Variants in PHKG2 observed in about 807,000 individuals in gnomAD.
PHKG2 encodes phosphorylase b kinase gamma catalytic chain, liver/testis isoform.
PHKG2 carries 28 observed loss-of-function variants against 44.5 expected under a neutral mutation model. That is an observed-to-expected ratio of 0.63 (90% CI 0.47 to 0.86). PHKG2 has a LOEUF of 0.86. Ranked by LOEUF, PHKG2 falls within the 40% of genes least tolerant of loss-of-function variation. PHKG2 has a pLI of 0.00. For missense variants in PHKG2, 498 were observed against 547.5 expected, an observed-to-expected ratio of 0.91 and a Z score of 0.90; for synonymous variants, 220 against 211.2, an observed-to-expected ratio of 1.04 and a Z score of -0.36.
chr16:30,751,095 G>A lies in PHKG2; in HGVS notation c.96-11G>A, dbSNP rs751600886. 164 of 1,612,880 alleles carry A rather than the reference G, an allele frequency of 1.0e-4. No homozygotes were observed. The highest frequency in any genetic ancestry group is 1.3e-4 in the Non-Finnish European group (156 of 1,179,992). On this transcript the variant is annotated splice_polypyrimidine_tract_variant and intron_variant, in intron 2 of 9. Coordinates refer to ENST00000563588, the MANE Select transcript of PHKG2 (RefSeq NM_000294.3). ...GAGGCCCTGACTTGTGCTATTTTCC[G>A]GCTCTTGCAGAGGAGTGAGCTCTGT...
At position 30,757,615 on chromosome 16, in the gene PHKG2, A is replaced by G. The variant is rs777968026; in HGVS notation, c.*518A>G. 6.2e-6 allele frequency: 10 copies of G among 1,613,772 alleles called. No homozygotes were observed. Among genetic ancestry groups the G allele is most frequent in the Admixed American group, 3.3e-5 (2 of 59,974 alleles). On this transcript the variant is annotated 3_prime_UTR_variant, in exon 10 of 10. Transcript: ENST00000563588. ...CTGGAGCTGCTCCAGCTCTTTGTTC[A>G]CTTGGGTCTTGATGTAGGCTCGGAG...
rs772912966 is a variant in PHKG2, at chr16:30,753,455, C to A, written c.454C>A (p.Arg152=). 1.2e-6 allele frequency: 2 copies of A among 1,614,166 alleles called. No homozygotes were observed. Among genetic ancestry groups the A allele is most frequent in the South Asian group, 2.2e-5 (2 of 91,086 alleles). Residue 152 remains arginine, a synonymous_variant, in exon 6 of 10, where the codon CGA becomes AGA. Transcript: ENST00000563588. The stretch of plus-strand genomic sequence containing the variant: ...TCTCCATGCCAACAACATTGTGCAT[C>A]GAGATCTGAAGCCCGAGAATATTCT... The part of the protein sequence containing the change: ...SFLHANNIVH[R]DLKPENILLD...
chr16:30,757,305 T>A lies in PHKG2; in HGVS notation c.*208T>A, dbSNP rs1448906429. 1 of 1,536,212 alleles carries A rather than the reference T, an allele frequency of 6.5e-7. No individual in the cohort carries two copies. Among genetic ancestry groups the A allele is most frequent in the Admixed American group, 2.0e-5 (1 of 50,984 alleles). On this transcript the variant is annotated 3_prime_UTR_variant, in exon 10 of 10. Coordinates refer to ENST00000563588, the MANE Select transcript of PHKG2 (RefSeq NM_000294.3). ...AGGGAGCCATTCTGAACGCCACGCCTGGCCCGGTCAGTGCTGCATGCACTG... is the reference window on the plus strand; with the variant it reads ...AGGGAGCCATTCTGAACGCCACGCCAGGCCCGGTCAGTGCTGCATGCACTG...
At position 30,759,576 on chromosome 16, in the gene PHKG2, G is replaced by T. The variant is rs1037064568; in HGVS notation, c.*2479G>T. The T allele has an allele frequency of 6.2e-7, 1 of 1,614,008 alleles. No individual in the cohort carries two copies. Among genetic ancestry groups the T allele is most frequent in the African/African-American group, 1.3e-5 (1 of 74,932 alleles). Reference sequence around the variant, plus strand: ...CTGGGGTCTTCACAAGAAGATAAGGGTGATGAATGTGAGAGAGACTGGGTG... The same window carrying T: ...CTGGGGTCTTCACAAGAAGATAAGGTTGATGAATGTGAGAGAGACTGGGTG... On this transcript the variant is annotated 3_prime_UTR_variant, in exon 10 of 10. Transcript: ENST00000563588.
chr16:30,756,834 C>T lies in PHKG2; in HGVS notation c.958C>T (p.Arg320Ter), dbSNP rs560414449. ...AGTGTGGACAGTGCTGGCTGCTGGA[C>T]GAGTGGCCCTAAGCACCCATCGTGT... ...VAVWTVLAAG[R>*]VALSTHRVRP... Residue 320 changes from arginine (R) to a stop codon, truncating the protein, a stop_gained, in exon 10 of 10, where the codon CGA becomes TGA. Coordinates refer to ENST00000563588, the MANE Select transcript of PHKG2 (RefSeq NM_000294.3). LOFTEE classifies it high-confidence loss of function. 6 of 1,614,144 alleles carry T rather than the reference C, an allele frequency of 3.7e-6. No homozygotes were observed. In the African/African-American group the frequency reaches 4.0e-5, roughly 11 times the overall value.
intron 3 of PHKG2, 117 bp downstream of exon 3, chr16:30,751,398 A>C (rs914071174): frequency 6.8e-6 from 9 of 1,329,066 alleles, no homozygotes; most frequent in Admixed American, 3.4e-5. Flanking sequence ...ATTCCACTAA[A>C]GAGTGGCCAT....
chr16:30,760,395 T>C lies in PHKG2; in HGVS notation c.*3298T>C. 1 of 1,614,134 alleles carries C rather than the reference T, an allele frequency of 6.2e-7. No homozygotes were observed. The highest frequency in any genetic ancestry group is 8.5e-7 in the Non-Finnish European group (1 of 1,180,012). ...AGCGCGTGGCAGAAGAGGTCCAGGG[T>C]GATGGCGTCCCTCAGGCTCTGCTCA... On this transcript the variant is annotated 3_prime_UTR_variant, in exon 10 of 10. Transcript: ENST00000563588.
intron 4 of PHKG2, 129 bp from the exon 5 acceptor site, chr16:30,753,103 G>T: frequency 1.3e-6 from 1 of 780,012 alleles, no homozygotes. Context: ...TGTGTTTCTA[G>T]ACCCTTTGGT....
At chr16:30,755,434 T>A (rs1449006327) in intron 6 of PHKG2, among the ~76,000 whole-genome samples, 1 of 152,100 alleles carries the variant, frequency 6.6e-6, no homozygotes, top group Non-Finnish European at 1.5e-5. Flanking sequence ...TCCCAGCACT[T>A]TGGGAGCCCG....
Position 30,751,140 on chromosome 16 carries a change from C to T in PHKG2, c.130C>T (p.Arg44Ter), listed in dbSNP as rs137853590. 4.3e-6 allele frequency: 7 copies of T among 1,613,924 alleles called. No homozygotes were observed. The highest frequency in any genetic ancestry group is 2.2e-5 in the East Asian group (1 of 44,882). ...CTCTGTGGTCCGCCGTTGTGTTCAT[C>T]GAGCTACTGGCCACGAGTTTGCGGT... The part of the protein sequence containing the change: ...VSSVVRRCVH[R>*]ATGHEFAVKI... Residue 44 changes from arginine (R) to a stop codon, truncating the protein, a stop_gained, in exon 3 of 10, where the codon CGA becomes TGA. Transcript: ENST00000563588. LOFTEE classifies it high-confidence loss of function.
chr16:30,748,797 G>A lies in PHKG2; in HGVS notation c.-18-6G>A. 1 of 1,526,878 alleles carries A rather than the reference G, an allele frequency of 6.5e-7. No homozygotes were observed. 94.6% of individuals were successfully genotyped at this position (1,526,878 alleles called of 1,614,324 possible). A position where few individuals can be genotyped will look rare whatever the true frequency, so the allele number is the denominator to read the frequency against. On this transcript the variant is annotated splice_polypyrimidine_tract_variant and splice_region_variant and intron_variant, in intron 1 of 9. Coordinates refer to ENST00000563588, the MANE Select transcript of PHKG2 (RefSeq NM_000294.3). Reference sequence around the variant, plus strand: ...CCTGCCCTCACTGCCCTCCTCCTCCGCGCAGGCCCCCGCCTCCTTCAGGAT... The same window carrying A: ...CCTGCCCTCACTGCCCTCCTCCTCCACGCAGGCCCCCGCCTCCTTCAGGAT...
rs750447347 is a variant in PHKG2, at chr16:30,759,142, G to GGCCCA, written c.*2055_*2059dup. On this transcript the variant is annotated 3_prime_UTR_variant, in exon 10 of 10. Transcript: ENST00000563588. ...AGGAAGAGACTGTGGCCCCAGGCCT[G>GGCCCA]GCCCAGCCCAGCCCTGCCCTGGCAC... 16 of 1,614,038 alleles carry GGCCCA rather than the reference G, an allele frequency of 9.9e-6. No individual in the cohort carries two copies. The highest frequency in any genetic ancestry group is 3.3e-5 in the South Asian group (3 of 91,090).
intron 4 of PHKG2, among the ~76,000 whole-genome samples, chr16:30,752,104 T>G (rs1198634413): frequency 7.0e-6 from 1 of 143,854 alleles, no homozygotes; most frequent in Non-Finnish European, 1.5e-5. Flanking sequence ...AAAAATAAAG[T>G]AATAGTGACC....
chr16:30,753,247 G>C lies in PHKG2; in HGVS notation c.342G>C (p.Glu114Asp). Residue 114 changes from glutamate to aspartate, a missense_variant, in exon 5 of 10, where the codon GAG becomes GAC. Glu to Asp is a conservative substitution (Grantham distance 45). Transcript: ENST00000563588. ...CTTCCCTTAGGATGCGGAAGGGAGA[G>C]CTGTTTGACTATCTCACAGAGAAGG... ...FLVFDLMRKG[E>D]LFDYLTEKVA... The C allele has an allele frequency of 6.2e-7, 1 of 1,614,042 alleles. No individual in the cohort carries two copies.
intron 2 of PHKG2, among the ~76,000 whole-genome samples, chr16:30,750,487 C>G (rs531805694): frequency 6.0e-4 from 92 of 152,258 alleles, no homozygotes; most frequent in African/African-American, 2.1e-3. Flanking sequence ...TTGGTGATAG[C>G]CTGAGCAAGG....
In PHKG2 at chr16:30,760,155, G is replaced by C. The variant is rs768078442; in HGVS notation, c.*3058G>C. On this transcript the variant is annotated 3_prime_UTR_variant, in exon 10 of 10. Transcript: ENST00000563588. ...GTGGATTGGAAAGCTGATGGCTTGTGTATGATGATGCTACTAATAATGACA... is the reference window on the plus strand; with the variant it reads ...GTGGATTGGAAAGCTGATGGCTTGTCTATGATGATGCTACTAATAATGACA... 1 of 1,582,440 alleles carries C rather than the reference G, an allele frequency of 6.3e-7. No individual in the cohort carries two copies. Among genetic ancestry groups the C allele is most frequent in the East Asian group, 2.3e-5 (1 of 43,306 alleles).
In PHKG2 at chr16:30,755,903, G is replaced by T. The variant is rs142593989; in HGVS notation, c.557-279G>T. Among the ~76,000 whole-genome samples, 678 of 152,290 alleles carry T rather than the reference G, an allele frequency of 4.5e-3. 4 individuals carry two copies. The highest frequency in any genetic ancestry group is 0.015 in the African/African-American group (642 of 41,552). On this transcript the variant is annotated intron_variant, in intron 6 of 9. Coordinates refer to ENST00000563588, the MANE Select transcript of PHKG2 (RefSeq NM_000294.3). ...AGGAGTGGGTAGGTTGGCTTGGATA[G>T]TGGGTAGGTAGGGTTGGAGGAGGCA...
Position 30,759,247 on chromosome 16 carries a change from C to G in PHKG2, c.*2150C>G, listed in dbSNP as rs2053571550. On this transcript the variant is annotated 3_prime_UTR_variant, in exon 10 of 10. Transcript: ENST00000563588. ...TAAGTCAAAGACAGATCCAGCCGCA[C>G]CTGGGAAGCAAGGCAGAGGGAGGCT... 3 of 1,614,006 alleles carry G rather than the reference C, an allele frequency of 1.9e-6. No homozygotes were observed. The highest frequency in any genetic ancestry group is 1.7e-5 in the Admixed American group (1 of 60,002).
Position 30,757,837 on chromosome 16 carries a change from A to G in PHKG2, c.*740A>G. On this transcript the variant is annotated 3_prime_UTR_variant, in exon 10 of 10. Coordinates refer to ENST00000563588, the MANE Select transcript of PHKG2 (RefSeq NM_000294.3). Reference sequence around the variant, plus strand: ...TGAGAGGTAGTTGGGTAGGGTGGCTATGCTGGACTTTGCAGCTTCAAATTC... The same window carrying G: ...TGAGAGGTAGTTGGGTAGGGTGGCTGTGCTGGACTTTGCAGCTTCAAATTC... 2 of 1,405,434 alleles carry G rather than the reference A, an allele frequency of 1.4e-6. No homozygotes were observed. The highest frequency in any genetic ancestry group is 1.6e-5 in the South Asian group (1 of 62,830). 87.1% of individuals were successfully genotyped at this position (1,405,434 alleles called of 1,614,324 possible).
Sources: gnomAD v4.1 joint callset for allele counts (sites outside exome capture counted in the v4.1 genomes callset) on GRCh38, gnomAD v4.1.1 for gene constraint, MANE v1.5 for transcripts, NCBI Gene and HGNC (gene_info 2026-07-23, HGNC 2026-07-21) for gene names.